Variants in EXOC5 observed in about 807,000 individuals in gnomAD.
EXOC5 encodes exocyst complex component 5.
EXOC5 carries 17 observed loss-of-function variants against 90.8 expected under a neutral mutation model. The observed-to-expected ratio is 0.19, with a 90% confidence interval of 0.13 to 0.28. EXOC5 has a LOEUF of 0.28. Ranked by LOEUF, EXOC5 falls within the 10% of genes least tolerant of loss-of-function variation. The pLI is 1.00. For missense variants in EXOC5, 569 were observed against 830.6 expected, an observed-to-expected ratio of 0.69 and a Z score of 3.87; for synonymous variants, 260 against 270.0, an observed-to-expected ratio of 0.96 and a Z score of 0.36.
At chr14:57,222,754 CACACACACAT>C (rs1169670134) in intron 12 of EXOC5, among the ~76,000 whole-genome samples, 1 of 148,792 alleles carries the variant, frequency 6.7e-6, no homozygotes, top group East Asian at 2.0e-4. Flanking sequence ...TATATACACA[CACACACACAT>C]ATATATATAT....
At chr14:57,260,456 T>C (rs1332950643) in intron 1 of EXOC5, among the ~76,000 whole-genome samples, 1 of 152,206 alleles carries the variant, frequency 6.6e-6, no homozygotes, top group Non-Finnish European at 1.5e-5. Context: ...CAATTAATCA[T>C]GTTATCAAAA....
At chr14:57,226,534 A>G (rs977349063) in intron 12 of EXOC5, among the ~76,000 whole-genome samples, 3 of 152,210 alleles carry the variant, frequency 2.0e-5, no homozygotes, top group Non-Finnish European at 4.4e-5. Flanking sequence ...TATAAGACAT[A>G]ATACAAAATG....
chr14:57,268,539 G>T, intron 1 of EXOC5, 83 bp downstream of exon 1: 1 of 1,541,536 alleles, frequency 6.5e-7, no homozygotes. Context: ...TGGGCAGCCA[G>T]CAAACGCCCG....
intron 12 of EXOC5, among the ~76,000 whole-genome samples, chr14:57,226,831 A>T (rs1217471294): frequency 1.3e-5 from 2 of 152,218 alleles, no homozygotes; most frequent in East Asian, 3.8e-4. Context: ...CTTAACTCAA[A>T]ATTGATTATA....
At chr14:57,246,915 T>C in intron 2 of EXOC5, 57 bp from the exon 3 acceptor site, 2 of 1,011,460 alleles carry the variant, frequency 2.0e-6, no homozygotes, top group Non-Finnish European at 2.9e-6. Flanking sequence ...CCTTAGGAAC[T>C]GACCAGTTAA....
At position 57,205,672 on chromosome 14, in the gene EXOC5, A is replaced by T. The variant is rs557456755; in HGVS notation, c.*2937T>A. The T allele has an allele frequency of 1.3e-4, 44 of 342,254 alleles. No homozygotes were observed. Among genetic ancestry groups the T allele is most frequent in the African/African-American group, 8.0e-4 (37 of 46,210 alleles). 21.2% of individuals were successfully genotyped at this position (342,254 alleles called of 1,614,324 possible). A position where few individuals can be genotyped will look rare whatever the true frequency, so the allele number is the denominator to read the frequency against. ...TTCTCCACTTGGAATCAATCTACTG[A>T]TTGATAATTAAATTATTTCACTGTG... is the stretch of plus-strand genomic sequence containing the variant. On this transcript the variant is annotated 3_prime_UTR_variant, in exon 18 of 18. Coordinates refer to ENST00000621441, the MANE Select transcript of EXOC5 (RefSeq NM_006544.4).
At chr14:57,231,946 G>C in intron 10 of EXOC5, 1 of 394,968 alleles carries the variant, frequency 2.5e-6, no homozygotes, top group Non-Finnish European at 4.5e-6. Flanking sequence ...AAATTCCTAG[G>C]AAAAGAACTT....
At chr14:57,232,065 G>A (rs1213013196) in intron 10 of EXOC5, 1 of 183,820 alleles carries the variant, frequency 5.4e-6, no homozygotes, top group Non-Finnish European at 1.1e-5. Flanking sequence ...AAGATCTACT[G>A]TCTGTTCACC....
chr14:57,230,251 T>A (rs1775890357), intron 11 of EXOC5, among the ~76,000 whole-genome samples: 1 of 152,218 alleles, frequency 6.6e-6, no homozygotes, highest in Admixed American at 6.5e-5. Flanking sequence ...TTAACAATTT[T>A]AAAATATAGT....
At chr14:57,217,303 C>G (rs1036250653) in intron 15 of EXOC5, among the ~76,000 whole-genome samples, 6 of 152,178 alleles carry the variant, frequency 3.9e-5, no homozygotes, top group African/African-American at 1.4e-4. Flanking sequence ...CTGTGTTTCA[C>G]AGATACTGTG....
intron 1 of EXOC5, among the ~76,000 whole-genome samples, chr14:57,265,288 T>A (rs1271479336): frequency 6.6e-6 from 1 of 152,172 alleles, no homozygotes; most frequent in Admixed American, 6.5e-5. Flanking sequence ...CCCTAGTTAC[T>A]AACCAAGAAC....
Position 57,239,626 on chromosome 14 carries a change from G to A in EXOC5, c.499C>T (p.His167Tyr). 6.5e-7 allele frequency: 1 copy of A among 1,543,810 alleles called. No individual in the cohort carries two copies. Among genetic ancestry groups the A allele is most frequent in the Non-Finnish European group, 8.7e-7 (1 of 1,143,288 alleles). The change falls in exon 5 of 18, where the codon CAC becomes TAC. Residue 167 changes from histidine (H) to tyrosine (Y), a missense_variant. Coordinates refer to ENST00000621441, the MANE Select transcript of EXOC5 (RefSeq NM_006544.4). ...AAAGGTAACTCTTGGGCAATTAGGT[G>A]CAACTTCTGAATGATGTCTGCTGCT... Reference protein sequence around the residue: ...KEAADIIQKLHLIAQELPFDR... With the variant: ...KEAADIIQKLYLIAQELPFDR...
In EXOC5 at chr14:57,201,473, C is replaced by G. The variant is rs1045205019; in HGVS notation, c.*7136G>C. 14 of 136,696 alleles carry G rather than the reference C, an allele frequency of 1.0e-4. No homozygotes were observed. The highest frequency in any genetic ancestry group is 1.5e-5 in the Non-Finnish European group (1 of 66,346). 8.5% of individuals were successfully genotyped at this position (136,696 alleles called of 1,614,324 possible). A position where few individuals can be genotyped will look rare whatever the true frequency, so the allele number is the denominator to read the frequency against. On this transcript the variant is annotated 3_prime_UTR_variant, in exon 18 of 18. Coordinates refer to ENST00000621441, the MANE Select transcript of EXOC5 (RefSeq NM_006544.4). ...ATATATACACACGCGTGTATATGTA[C>G]ACACACGTGTATAAACACACGTGTA...
rs557269585 is a variant in EXOC5 at position 57,253,716 on chromosome 14, G to GCACCC, written c.28-6005_28-6004insGGGTG. ...TAGAAAAAAAACCCTCACATATTTG[G>GCACCC]TCAAACAATTTTTGACAAGGGTGCC... On this transcript the variant is annotated intron_variant, in intron 1 of 17. Transcript: ENST00000621441. 7.7e-3 allele frequency among the ~76,000 whole-genome samples: 1,171 copies of GCACCC among 152,248 alleles called. 4 individuals are homozygous for GCACCC. Among genetic ancestry groups the GCACCC allele is most frequent in the Non-Finnish European group, 0.014 (981 of 68,002 alleles).
Position 57,268,844 on chromosome 14 carries a change from T to A in EXOC5, c.-196A>T. On this transcript the variant is annotated 5_prime_UTR_variant, in exon 1 of 18. Transcript: ENST00000621441. The stretch of plus-strand genomic sequence containing the variant: ...AGCGAAGCCGCAAACGCTTGTCAGC[T>A]GCCTCCCGGCGCCGCCCGCGCTGCT... The A allele has an allele frequency of 2.3e-6, 3 of 1,312,698 alleles. No individual in the cohort carries two copies. The highest frequency in any genetic ancestry group is 3.0e-6 in the Non-Finnish European group (3 of 1,013,326). 81.3% of individuals were successfully genotyped at this position (1,312,698 alleles called of 1,614,324 possible). A position where few individuals can be genotyped will look rare whatever the true frequency, so the allele number is the denominator to read the frequency against.
intron 10 of EXOC5, 92 bp downstream of exon 10, chr14:57,232,575 A>G: frequency 1.7e-6 from 1 of 579,500 alleles, no homozygotes; most frequent in Non-Finnish European, 3.0e-6. Flanking sequence ...CTGGTGACAA[A>G]CTTATTCAAA....
In EXOC5 at chr14:57,206,629, TTTTAAA is replaced by T. The variant is rs1882663720; in HGVS notation, c.*1974_*1979del. ...GTTTATTGAGCATTAATGTTAACAC[TTTTAAA>T]TTAAGTATTCACTTACGAATTTTGT... is the stretch of plus-strand genomic sequence containing the variant. On this transcript the variant is annotated 3_prime_UTR_variant, in exon 18 of 18. Coordinates refer to ENST00000621441, the MANE Select transcript of EXOC5 (RefSeq NM_006544.4). 1.3e-5 allele frequency: 2 copies of T among 152,418 alleles called. No individual in the cohort carries two copies. Among genetic ancestry groups the T allele is most frequent in the African/African-American group, 4.8e-5 (2 of 41,438 alleles). 9.4% of individuals were successfully genotyped at this position (152,418 alleles called of 1,614,324 possible). A position where few individuals can be genotyped will look rare whatever the true frequency, so the allele number is the denominator to read the frequency against.
At chr14:57,238,365 TATATATATATAC>T (rs1454925541) in intron 5 of EXOC5, among the ~76,000 whole-genome samples, 26 of 92,384 alleles carry the variant, frequency 2.8e-4, no homozygotes, top group African/African-American at 8.9e-4. Context: ...TATATATATA[TATATATATATAC>T]ACACACACAC....
chr14:57,208,611 A>G lies in EXOC5; in HGVS notation c.2125T>C (p.Ter709ArgextTer2), dbSNP rs1159444101. The change falls in exon 18 of 18, where the codon TGA (stop) becomes CGA (arginine). Residue 709 changes from the stop codon to arginine (R), a stop_lost. Transcript: ENST00000621441. Reference protein sequence around the residue: ...RSARLARHFS* With the variant: ...RSARLARHFSR Reference sequence around the variant, plus strand: ...TGAATTCCTTTGTAAATTCAATCTCAGCTGAAGTGTCGAGCAAGGCGGGCA... The same window carrying G: ...TGAATTCCTTTGTAAATTCAATCTCGGCTGAAGTGTCGAGCAAGGCGGGCA... 6.3e-7 allele frequency: 1 copy of G among 1,595,904 alleles called. No individual in the cohort carries two copies. Among genetic ancestry groups the G allele is most frequent in the Non-Finnish European group, 8.6e-7 (1 of 1,166,702 alleles).
Sources: allele counts gnomAD v4.1 joint callset (sites outside exome capture counted in the v4.1 genomes callset), GRCh38; gene constraint gnomAD v4.1.1; transcripts MANE v1.5; gene names NCBI Gene and HGNC (gene_info 2026-07-23, HGNC 2026-07-21).